The following DUSP16 variants were observed in gnomAD, a reference collection of about 807,000 sequenced individuals.
DUSP16 encodes dual specificity protein phosphatase 16.
A neutral mutation model predicts 58.3 loss-of-function variants in DUSP16; 21 were observed. The ratio of observed to expected loss-of-function variants is 0.36; its 90% CI spans 0.26 to 0.52. DUSP16 has a LOEUF of 0.52. DUSP16 is among the 20% of genes least tolerant of loss of function. The pLI, the probability that DUSP16 is intolerant of heterozygous loss-of-function variation, is 0.94. For synonymous variants in DUSP16, 320 were observed against 323.8 expected (o/e 0.99, Z 0.12); for missense variants, 726 against 819.0 (o/e 0.89, Z 1.39).
chr12:12,522,600 G>A (rs2136233820), intron 1 of DUSP16, among the ~76,000 whole-genome samples: 2 of 150,232 alleles, frequency 1.3e-5, no homozygotes, highest in South Asian at 4.2e-4. Flanking sequence ...GTCTTGCTCT[G>A]TCACCCAGGC....
intron 3 of DUSP16, among the ~76,000 whole-genome samples, chr12:12,513,682 C>CA (rs1195146168): frequency 6.6e-6 from 1 of 152,150 alleles, no homozygotes; most frequent in Admixed American, 6.6e-5. Context: ...ATAAGCCTGG[C>CA]AGAGCCCTTT....
intron 4 of DUSP16, among the ~76,000 whole-genome samples, chr12:12,493,936 A>G (rs184669988): frequency 1.1e-3 from 164 of 152,310 alleles, no homozygotes; most frequent in African/African-American, 3.7e-3. Flanking sequence ...ATGTAAGCTA[A>G]TGAAAGCAGA....
intron 1 of DUSP16, among the ~76,000 whole-genome samples, chr12:12,524,214 G>C (rs947665088): frequency 6.6e-6 from 1 of 152,216 alleles, no homozygotes; most frequent in Admixed American, 6.5e-5. Context: ...GATATAAAAA[G>C]ACCCTTTCCC....
intron 1 of DUSP16, among the ~76,000 whole-genome samples, chr12:12,553,730 G>T (rs554318560): frequency 2.0e-5 from 3 of 151,724 alleles, no homozygotes; most frequent in African/African-American, 7.3e-5. Context: ...TTTTTGTGGC[G>T]ACAAGGTTTC....
At chr12:12,502,924 C>T (rs930191289) in intron 3 of DUSP16, among the ~76,000 whole-genome samples, 1 of 152,124 alleles carries the variant, frequency 6.6e-6, no homozygotes, top group East Asian at 1.9e-4. Context: ...CCGCCCCATG[C>T]ATGCACACGT....
At chr12:12,547,468 A>AG (rs1944660414) in intron 1 of DUSP16, among the ~76,000 whole-genome samples, 1 of 150,754 alleles carries the variant, frequency 6.6e-6, no homozygotes, top group Non-Finnish European at 1.5e-5. Flanking sequence ...AAAAAAAAAA[A>AG]AAAGAAAATA....
rs1369834085 is a variant in DUSP16 at position 12,475,359 on chromosome 12, T to TATG, written c.*1471_*1473dup. On this transcript the variant is annotated 3_prime_UTR_variant, in exon 7 of 7. Coordinates refer to ENST00000298573, the MANE Select transcript of DUSP16 (RefSeq NM_030640.3). ...ACTATCACTTGTTCCAGTGACCTCC[T>TATG]ATGTTCAGCTGCCAGGACCGATTCC... The TATG allele has an allele frequency of 6.6e-6, 1 of 152,216 alleles. No individual in the cohort carries two copies. Among genetic ancestry groups the TATG allele is most frequent in the African/African-American group, 2.4e-5 (1 of 41,440 alleles). The allele number at this position is 152,216 out of a possible 1,614,324, so 9.4% of individuals were successfully genotyped here.
At position 12,562,745 on chromosome 12, in the gene DUSP16, GGCGGGGCCGC is replaced by G. The variant is rs1487513850; in HGVS notation, c.-1004_-995del. Among the ~76,000 whole-genome samples the G allele has an allele frequency of 2.6e-5, 4 of 151,308 alleles. No individual in the cohort carries two copies. Among genetic ancestry groups the G allele is most frequent in the African/African-American group, 9.7e-5 (4 of 41,306 alleles). On this transcript the variant is annotated 5_prime_UTR_variant, in exon 1 of 7. The change abolishes the stop of an existing upstream ORF in the 5' untranslated region. Transcript: ENST00000298573. ...GGCGAGGGCAGGGCGGTGGGCGCCG[GGCGGGGCCGC>G]GCGCTCGCCCATCCCGCGGCCGCCC...
intron 2 of DUSP16, 102 bp from the exon 3 acceptor site, chr12:12,520,102 T>C: frequency 2.6e-6 from 3 of 1,138,760 alleles, no homozygotes; most frequent in Non-Finnish European, 1.3e-6. Flanking sequence ...GAATAATTGC[T>C]TCCTGTTTTC....
At chr12:12,539,371 G>T (rs1197844026) in intron 1 of DUSP16, among the ~76,000 whole-genome samples, 1 of 152,180 alleles carries the variant, frequency 6.6e-6, no homozygotes, top group Non-Finnish European at 1.5e-5. Flanking sequence ...ATATGCTGGG[G>T]CACAGAGCCC....
At chr12:12,517,346 A>C (rs1445275907) in intron 3 of DUSP16, among the ~76,000 whole-genome samples, 1 of 152,202 alleles carries the variant, frequency 6.6e-6, no homozygotes, top group African/African-American at 2.4e-5. Context: ...TTTGTAGTGA[A>C]AATTGTCTCC....
chr12:12,533,830 G>A (rs1196780023), intron 1 of DUSP16, among the ~76,000 whole-genome samples: 2 of 152,202 alleles, frequency 1.3e-5, no homozygotes, highest in Non-Finnish European at 2.9e-5. Context: ...CCAAGCCTGT[G>A]TTTTTCCTAC....
chr12:12,491,934 C>A (rs549962905), intron 4 of DUSP16, among the ~76,000 whole-genome samples: 1 of 152,324 alleles, frequency 6.6e-6, no homozygotes, highest in African/African-American at 2.4e-5. Flanking sequence ...CTCTGTCCTT[C>A]ATCCCCATGA....
At chr12:12,531,874 C>G (rs1944391430) in intron 1 of DUSP16, among the ~76,000 whole-genome samples, 1 of 151,294 alleles carries the variant, frequency 6.6e-6, no homozygotes, top group Non-Finnish European at 1.5e-5. Flanking sequence ...CATCTTAAAA[C>G]AAGGCCGGGC....
In DUSP16 at chr12:12,487,057, G is replaced by A. The variant is rs766527166; in HGVS notation, c.662C>T (p.Pro221Leu). ...VNDSFCEKILPWLDKSVDFIE... is the reference protein window; with the variant it reads ...VNDSFCEKILLWLDKSVDFIE... ...GAAATCTACTGATTTGTCCAACCAC[G>A]GCAAAATTTTCTCACAAAAGCTGTC... Residue 221 changes from proline (P) to leucine (L), a missense_variant, in exon 5 of 7, where the codon CCG (proline) becomes CTG (leucine). Coordinates refer to ENST00000298573, the MANE Select transcript of DUSP16 (RefSeq NM_030640.3). The A allele has an allele frequency of 5.6e-6, 9 of 1,613,980 alleles. No individual in the cohort carries two copies. In the Admixed American group the frequency reaches 1.0e-4, roughly 18 times the overall value.
chr12:12,546,959 C>G (rs1181131739), intron 1 of DUSP16, among the ~76,000 whole-genome samples: 1 of 152,194 alleles, frequency 6.6e-6, no homozygotes, highest in Admixed American at 6.5e-5. Flanking sequence ...CAACCACAAT[C>G]ACATTATTTC....
At chr12:12,497,555 G>A (rs1943846559) in intron 4 of DUSP16, among the ~76,000 whole-genome samples, 1 of 151,992 alleles carries the variant, frequency 6.6e-6, no homozygotes, top group African/African-American at 2.4e-5. Context: ...ATCCTATTAT[G>A]AGGGTTAAAT....
At chr12:12,527,833 C>A (rs527299350) in intron 1 of DUSP16, among the ~76,000 whole-genome samples, 4 of 152,154 alleles carry the variant, frequency 2.6e-5, no homozygotes, top group African/African-American at 9.7e-5. Context: ...CCAGTTGCCT[C>A]GCACTGACAT....
intron 3 of DUSP16, among the ~76,000 whole-genome samples, chr12:12,518,341 C>T (rs570954112): frequency 8.4e-4 from 128 of 152,178 alleles, no homozygotes; most frequent in Admixed American, 2.7e-3. Flanking sequence ...TGGTGAAACC[C>T]GGTCTCTACT....
Sources: gnomAD v4.1 joint callset for allele counts (sites outside exome capture counted in the v4.1 genomes callset) on GRCh38, gnomAD v4.1.1 for gene constraint, MANE v1.5 for transcripts, NCBI Gene and HGNC (gene_info 2026-07-23, HGNC 2026-07-21) for gene names.